Variants in CEMIP2 observed in about 807,000 individuals in gnomAD.
The protein encoded by CEMIP2 is cell surface hyaluronidase CEMIP2.
A neutral mutation model predicts 146.9 loss-of-function variants in CEMIP2; 79 were observed. That is an observed-to-expected ratio of 0.54 (90% CI 0.45 to 0.65). The LOEUF (loss-of-function observed/expected upper bound fraction) is 0.65, where lower values mean the gene tolerates loss of function less well. CEMIP2 is among the 30% of genes least tolerant of loss of function. The pLI is 0.00. For synonymous variants in CEMIP2, 601 were observed against 606.3 expected, an observed-to-expected ratio of 0.99 and a Z score of 0.13; for missense variants, 1,596 against 1,696.2, an observed-to-expected ratio of 0.94 and a Z score of 1.04.
chr9:71,743,930 G>A (rs1485727847), intron 4 of CEMIP2, among the ~76,000 whole-genome samples: 2 of 152,078 alleles, frequency 1.3e-5, no homozygotes, highest in African/African-American at 2.4e-5. Context: ...TGTCGGTTTT[G>A]AGGTACTCTT....
At chr9:71,718,183 A>G in intron 12 of CEMIP2, 104 bp from the exon 13 acceptor site, 1 of 1,087,164 alleles carries the variant, frequency 9.2e-7, no homozygotes. Context: ...TTTGACCAAA[A>G]CAAATGAAAA....
intron 1 of CEMIP2, among the ~76,000 whole-genome samples, chr9:71,755,006 T>C (rs1379081293): frequency 6.6e-6 from 1 of 152,146 alleles, no homozygotes; most frequent in Non-Finnish European, 1.5e-5. Flanking sequence ...AAACTCACTG[T>C]TATTTTAAAT....
At chr9:71,762,723 A>T (rs1824673208) in intron 1 of CEMIP2, among the ~76,000 whole-genome samples, 1 of 152,158 alleles carries the variant, frequency 6.6e-6, no homozygotes, top group Non-Finnish European at 1.5e-5. Context: ...TTAAAAAGCA[A>T]TGTTAGTATG....
intron 1 of CEMIP2, among the ~76,000 whole-genome samples, chr9:71,760,129 C>T (rs1237270229): frequency 1.3e-5 from 2 of 151,458 alleles, no homozygotes; most frequent in African/African-American, 4.8e-5. Context: ...AGTCTTTTTG[C>T]TAGAAAACTA....
chr9:71,749,893 C>T (rs1182751373), intron 2 of CEMIP2, 150 bp downstream of exon 2: 2 of 620,888 alleles, frequency 3.2e-6, no homozygotes, highest in African/African-American at 3.7e-5. Flanking sequence ...TGAACAATTG[C>T]TCTCATTCAT....
chr9:71,752,882 T>G (rs1824303909), intron 1 of CEMIP2, among the ~76,000 whole-genome samples: 1 of 152,106 alleles, frequency 6.6e-6, no homozygotes, highest in Non-Finnish European at 1.5e-5. Flanking sequence ...GCAAAGAACA[T>G]TCTCAGAGTC....
chr9:71,702,463 G>A (rs1032855106), intron 18 of CEMIP2, among the ~76,000 whole-genome samples: 9 of 151,934 alleles, frequency 5.9e-5, no homozygotes, highest in East Asian at 3.9e-4. Flanking sequence ...AAAAATTATG[G>A]CACATCCATA....
chr9:71,747,146 C>T (rs1045747814), intron 2 of CEMIP2, among the ~76,000 whole-genome samples: 4 of 151,846 alleles, frequency 2.6e-5, no homozygotes, highest in South Asian at 4.1e-4. Context: ...CTTTAAGGTC[C>T]GCCATAATTT....
chr9:71,708,844 A>G (rs1253025408), intron 17 of CEMIP2, among the ~76,000 whole-genome samples: 1 of 152,198 alleles, frequency 6.6e-6, no homozygotes, highest in Non-Finnish European at 1.5e-5. Context: ...ATTTTGCCTC[A>G]AAAGTCAGAT....
intron 10 of CEMIP2, among the ~76,000 whole-genome samples, chr9:71,728,258 CACGTATATATA>C (rs1823470087): frequency 2.6e-4 from 2 of 7,720 alleles, no homozygotes; most frequent in African/African-American, 5.5e-4. Flanking sequence ...TATGTATATA[CACGTATATATA>C]TATATATATA....
chr9:71,754,119 G>A (rs779154712), intron 1 of CEMIP2, among the ~76,000 whole-genome samples: 27 of 152,080 alleles, frequency 1.8e-4, no homozygotes, highest in Non-Finnish European at 5.9e-5. Flanking sequence ...AGTAAATGAC[G>A]AGTTGATGGG....
At chr9:71,761,092 G>A (rs1344044458) in intron 1 of CEMIP2, among the ~76,000 whole-genome samples, 2 of 152,196 alleles carry the variant, frequency 1.3e-5, no homozygotes, top group African/African-American at 4.8e-5. Context: ...GCACACAATG[G>A]CAAGTGCAGG....
chr9:71,703,612 T>G (rs907324764), intron 18 of CEMIP2, among the ~76,000 whole-genome samples: 1 of 152,190 alleles, frequency 6.6e-6, no homozygotes, highest in South Asian at 2.1e-4. Context: ...CTCAGCAGTT[T>G]CATGGAGTCG....
chr9:71,704,113 A>T (rs928665642), intron 18 of CEMIP2, among the ~76,000 whole-genome samples: 7 of 152,220 alleles, frequency 4.6e-5, no homozygotes, highest in African/African-American at 1.7e-4. Flanking sequence ...AGAAGGGATA[A>T]AATAGTGCTT....
intron 2 of CEMIP2, among the ~76,000 whole-genome samples, chr9:71,749,736 C>T (rs772088538): frequency 2.0e-5 from 3 of 151,850 alleles, no homozygotes; most frequent in Non-Finnish European, 2.9e-5. Context: ...AAAATTGCAG[C>T]AGTCCAAAAA....
rs1222165106 is a variant in CEMIP2, at chr9:71,700,648, C to G, written c.3371G>C (p.Ser1124Thr). 2.5e-6 allele frequency: 4 copies of G among 1,598,038 alleles called. No homozygotes were observed. In the African/African-American group the frequency reaches 5.4e-5, roughly 22 times the overall value. Residue 1124 changes from serine to threonine, a missense_variant, in exon 19 of 24, where the codon AGC (serine) becomes ACC (threonine). Transcript: ENST00000377044. ...QSERKFYFDS[S>T]TGLLFLYLKA... ...CCTGGTTTCACTGAATTACCCCGTG[C>G]TGGAGTCAAAATAGAATTTCCTCTC...
intron 2 of CEMIP2, among the ~76,000 whole-genome samples, chr9:71,748,234 G>C (rs1332328280): frequency 1.3e-5 from 2 of 152,136 alleles, no homozygotes; most frequent in Admixed American, 1.3e-4. Flanking sequence ...AAAAATTCCA[G>C]TCTGTTTCCT....
Position 71,735,001 on chromosome 9 carries a change from CAAAAA to C in CEMIP2, c.1205-12_1205-8del, listed in dbSNP as rs71353514. On this transcript the variant is annotated splice_region_variant and splice_polypyrimidine_tract_variant and intron_variant, in intron 5 of 23. Coordinates refer to ENST00000377044, the MANE Select transcript of CEMIP2 (RefSeq NM_013390.3). ...AATCCTGAAAGAGAAACGCCTAAAC[CAAAAA>C]AAAAAAAAAGAAAAAGAAAGTGATA... 1.5e-4 allele frequency: 220 copies of C among 1,468,734 alleles called. 1 individual carries two copies. Among genetic ancestry groups the C allele is most frequent in the South Asian group, 1.1e-3 (88 of 79,888 alleles). The allele number at this position is 1,468,734 out of a possible 1,614,324, so 91.0% of individuals were successfully genotyped here. A position where few individuals can be genotyped will look rare whatever the true frequency, so the allele number is the denominator to read the frequency against.
chr9:71,715,117 A>G (rs1262223654), intron 14 of CEMIP2, 28 bp from the exon 15 acceptor site: 1 of 1,606,072 alleles, frequency 6.2e-7, no homozygotes, highest in South Asian at 1.1e-5. Context: ...ATCATTAGCT[A>G]CATTTCTCCA....
Sources: gnomAD v4.1 joint callset for allele counts (sites outside exome capture counted in the v4.1 genomes callset) on GRCh38, gnomAD v4.1.1 for gene constraint, MANE v1.5 for transcripts, NCBI Gene and HGNC (gene_info 2026-07-23, HGNC 2026-07-21) for gene names.